The following UNC13C variants were observed in gnomAD, a reference collection of about 807,000 sequenced individuals.
The protein encoded by UNC13C is unc-13 homolog C, also known as protein unc-13 homolog C.
Under a neutral mutation model 245.4 loss-of-function variants are expected in UNC13C, and 174 were observed. The observed-to-expected ratio is 0.71, with a 90% CI of 0.63 to 0.80. The LOEUF (loss-of-function observed/expected upper bound fraction) is 0.80, where lower values mean the gene tolerates loss of function less well. UNC13C is among the 30% of genes least tolerant of loss of function. UNC13C has a pLI of 0.00. For missense variants in UNC13C, 2,829 were observed against 2,602.9 expected (o/e 1.09, Z -1.89); for synonymous variants, 992 against 895.1 (o/e 1.11, Z -1.93).
intron 4 of UNC13C, among the ~76,000 whole-genome samples, chr15:54,176,588 GC>G (rs1239096560): frequency 6.6e-6 from 1 of 152,000 alleles, no homozygotes; most frequent in Non-Finnish European, 1.5e-5. Flanking sequence ...TTCTTAAGTA[GC>G]AAATTATGAT....
chr15:54,068,587 A>G (rs1328381353), intron 2 of UNC13C, among the ~76,000 whole-genome samples: 1 of 152,186 alleles, frequency 6.6e-6, no homozygotes, highest in Non-Finnish European at 1.5e-5. Context: ...AGTTTACGAA[A>G]GAAGTCTGCC....
At chr15:54,254,949 G>A (rs1316591101) in intron 8 of UNC13C, among the ~76,000 whole-genome samples, 3 of 152,100 alleles carry the variant, frequency 2.0e-5, no homozygotes, top group Non-Finnish European at 4.4e-5. Flanking sequence ...ACAGCCAACC[G>A]CCAATAAATC....
intron 19 of UNC13C, among the ~76,000 whole-genome samples, chr15:54,487,265 C>T (rs945803275): frequency 6.6e-6 from 1 of 152,198 alleles, no homozygotes; most frequent in Non-Finnish European, 1.5e-5. Context: ...ACTGCTACTC[C>T]TCTCAAGAAT....
intron 2 of UNC13C, among the ~76,000 whole-genome samples, chr15:54,024,938 T>TAA (rs71425779): frequency 8.6e-5 from 13 of 151,764 alleles, no homozygotes; most frequent in Admixed American, 2.0e-4. Flanking sequence ...TAAAAAATAA[T>TAA]AAAAAAATGC....
At chr15:54,359,345 G>A (rs1474046918) in intron 17 of UNC13C, among the ~76,000 whole-genome samples, 9 of 151,676 alleles carry the variant, frequency 5.9e-5, no homozygotes, top group East Asian at 5.8e-4. Flanking sequence ...AAAATGAGTT[G>A]AAAGTATTCC....
rs2039996679 is a variant in UNC13C at position 54,393,124 on chromosome 15, C to G, written c.4790C>G (p.Thr1597Arg). The change falls in exon 18 of 33, where the codon ACA (threonine) becomes AGA (arginine). Residue 1597 changes from threonine to arginine, a missense_variant. By Grantham distance (71) the Thr-to-Arg change is moderately conservative (BLOSUM62 -1). Coordinates refer to ENST00000260323, the MANE Select transcript of UNC13C (RefSeq NM_001080534.3). ...KNLDFWPQLI[T>R]LMVTIIDEDK... ...TTGGATTTTTGGCCCCAACTTATTA[C>G]ACTGATGGTTACTATTATTGATGAG... The G allele has an allele frequency of 6.2e-7, 1 of 1,610,852 alleles. No homozygotes were observed. Among genetic ancestry groups the G allele is most frequent in the Admixed American group, 1.7e-5 (1 of 59,376 alleles).
At chr15:54,120,321 G>A (rs112902954) in intron 2 of UNC13C, among the ~76,000 whole-genome samples, 45 of 152,214 alleles carry the variant, frequency 3.0e-4, no homozygotes, top group African/African-American at 1.0e-3. Context: ...ATTATGCTGA[G>A]TCTACTCTAC....
At chr15:54,605,202 C>G (rs555791848) in intron 30 of UNC13C, among the ~76,000 whole-genome samples, 5 of 152,138 alleles carry the variant, frequency 3.3e-5, no homozygotes, top group African/African-American at 7.2e-5. Flanking sequence ...AATCAGCAAC[C>G]AATTTGTCTG....
chr15:54,239,295 C>T (rs1160125900), intron 7 of UNC13C, among the ~76,000 whole-genome samples: 1 of 152,136 alleles, frequency 6.6e-6, no homozygotes, highest in Admixed American at 6.5e-5. Flanking sequence ...TTTCCATCAG[C>T]AAGCTCCCCT....
At chr15:54,333,666 T>A (rs2038498768) in intron 15 of UNC13C, 101 bp from the exon 16 acceptor site, 1 of 716,600 alleles carries the variant, frequency 1.4e-6, no homozygotes, top group Non-Finnish European at 2.4e-6. Flanking sequence ...TTGTATACAG[T>A]TTACTTTCCA....
intron 4 of UNC13C, among the ~76,000 whole-genome samples, chr15:54,152,788 C>G (rs1479297893): frequency 1.3e-5 from 2 of 151,968 alleles, no homozygotes; most frequent in East Asian, 1.9e-4. Flanking sequence ...TCTACACCTA[C>G]TGGTTCTTTC....
intron 10 of UNC13C, among the ~76,000 whole-genome samples, chr15:54,269,611 C>G (rs1204620984): frequency 6.6e-6 from 1 of 152,120 alleles, no homozygotes; most frequent in East Asian, 1.9e-4. Context: ...CACCCAAGTA[C>G]TTGATGTGAC....
intron 13 of UNC13C, among the ~76,000 whole-genome samples, chr15:54,318,748 C>G (rs1374053902): frequency 6.6e-6 from 1 of 151,824 alleles, no homozygotes; most frequent in Non-Finnish European, 1.5e-5. Context: ...TGTGCAGAAA[C>G]TTTTTAATTT....
At chr15:54,103,907 G>A (rs57342663) in intron 2 of UNC13C, among the ~76,000 whole-genome samples, 2,293 of 152,236 alleles carry the variant, frequency 0.015, 49 homozygotes, top group African/African-American at 0.052. Flanking sequence ...ACCATGCCCA[G>A]CTAATTTTTG....
intron 8 of UNC13C, among the ~76,000 whole-genome samples, chr15:54,258,475 T>C (rs1009136064): frequency 2.0e-5 from 3 of 152,278 alleles, no homozygotes; most frequent in African/African-American, 7.2e-5. Flanking sequence ...GCCATTCTCC[T>C]GCCTCAGCTT....
chr15:54,333,767 G>A lies in UNC13C; in HGVS notation c.4495G>A (p.Glu1499Lys). 2 of 1,597,268 alleles carry A rather than the reference G, an allele frequency of 1.3e-6. No homozygotes were observed. The highest frequency in any genetic ancestry group is 2.3e-5 in the South Asian group (2 of 88,336). ...SLRIDLSKYR[E>K]NFPASNTERL... ...TCCATTTTGTTTCCTAATTAACCAGGAAAACTTTCCTGCAAGCAATACTGA... is the reference window on the plus strand; with the variant it reads ...TCCATTTTGTTTCCTAATTAACCAGAAAAACTTTCCTGCAAGCAATACTGA... Residue 1499 changes from glutamate (E) to lysine (K), a missense_variant and splice_region_variant, in exon 16 of 33, where the codon GAA (glutamate) becomes AAA (lysine). Coordinates refer to ENST00000260323, the MANE Select transcript of UNC13C (RefSeq NM_001080534.3).
At position 54,488,614 on chromosome 15, in the gene UNC13C, A is replaced by G. The variant is rs1260219086; in HGVS notation, c.4934-5994A>G. ...ACTATACAGAAAAAAACTCATGAAT[A>G]AACACTGACTTTCTGAAGAAAATAT... On this transcript the variant is annotated intron_variant, in intron 19 of 32. Transcript: ENST00000260323. Among the ~76,000 whole-genome samples the G allele has an allele frequency of 2.6e-5, 4 of 152,164 alleles. No individual in the cohort carries two copies. The East Asian group carries it at 5.8e-4, about 22-fold the overall frequency.
chr15:54,324,664 A>G (rs2038247546), intron 14 of UNC13C, among the ~76,000 whole-genome samples: 2 of 152,150 alleles, frequency 1.3e-5, no homozygotes, highest in Middle Eastern at 3.4e-3. Flanking sequence ...AAAAAAAGTG[A>G]TAACTGTAAA....
In UNC13C at chr15:54,128,500, T is replaced by G. The variant is rs72744216; in HGVS notation, c.2984-14518T>G. On this transcript the variant is annotated intron_variant, in intron 2 of 32. Transcript: ENST00000260323. ...TGTGTGAACATTTGCATCTGTTGATTGTCTTTCCTCATTCCCTTTGATATC... is the reference window on the plus strand; with the variant it reads ...TGTGTGAACATTTGCATCTGTTGATGGTCTTTCCTCATTCCCTTTGATATC... Among the ~76,000 whole-genome samples, 852 of 152,336 alleles carry G rather than the reference T, an allele frequency of 5.6e-3. 4 individuals are homozygous for G. Among genetic ancestry groups the G allele is most frequent in the Non-Finnish European group, 9.4e-3 (640 of 68,016 alleles).
Sources: allele counts gnomAD v4.1 joint callset (sites outside exome capture counted in the v4.1 genomes callset), GRCh38; gene constraint gnomAD v4.1.1; transcripts MANE v1.5; gene names NCBI Gene and HGNC (gene_info 2026-07-23, HGNC 2026-07-21).